The following STAG2 variants were observed in gnomAD, a reference collection of about 807,000 sequenced individuals.
The protein encoded by STAG2 is cohesin subunit SA-2.
STAG2 carries 14 observed loss-of-function variants against 108.1 expected under a neutral mutation model. That is an observed-to-expected ratio of 0.13 (90% CI 0.09 to 0.20). The LOEUF is 0.20. STAG2 is among the 10% of genes least tolerant of loss of function. STAG2 has a pLI of 1.00. For synonymous variants in STAG2, 307 were observed against 302.7 expected (o/e 1.01, Z -0.15); for missense variants, 440 against 940.9 (o/e 0.47, Z 6.96).
At chrX:124,022,163 G>T (rs1401216719) in intron 2 of STAG2, among the ~76,000 whole-genome samples, 5 of 110,566 alleles carry the variant, frequency 4.5e-5, no homozygotes, top group Non-Finnish European at 9.5e-5. Flanking sequence ...CTGAGGTCAG[G>T]AGTTCGAGAC....
chrX:123,966,065 G>A (rs751863151), intron 1 of STAG2, among the ~76,000 whole-genome samples: 2 of 111,434 alleles, frequency 1.8e-5, no homozygotes, highest in African/African-American at 3.3e-5. Flanking sequence ...TTGGGAGTTG[G>A]GGAGAATAGC....
chrX:124,094,268 T>A lies in STAG2; in HGVS notation c.3705+124T>A, dbSNP rs1384598847. On this transcript the variant is annotated intron_variant, in intron 33 of 34. Coordinates refer to ENST00000371145, the MANE Select transcript of STAG2 (RefSeq NM_001042750.2). ...AAGTTTTGCAAAAATATTAAAATAG[T>A]TGCCAGGGGTTTAGATATATGGGAA... is the stretch of plus-strand genomic sequence containing the variant. The A allele has an allele frequency of 6.2e-6, 4 of 649,462 alleles. No individual in the cohort carries two copies. In the African/African-American group the frequency reaches 6.7e-5, roughly 11 times the overall value. 53.5% of individuals were successfully genotyped at this position (649,462 alleles called of 1,213,427 possible). A position where few individuals can be genotyped will look rare whatever the true frequency, so the allele number is the denominator to read the frequency against.
chrX:124,031,845 C>G (rs1203337677), intron 5 of STAG2, among the ~76,000 whole-genome samples: 2 of 109,273 alleles, frequency 1.8e-5, no homozygotes, highest in Non-Finnish European at 3.8e-5. Context: ...ATTCTCCTGC[C>G]TCAGCCTCCC....
intron 33 of STAG2, 23 bp downstream of exon 33, chrX:124,094,167 T>C (rs780673994): frequency 8.4e-7 from 1 of 1,183,582 alleles, no homozygotes; most frequent in African/African-American, 1.8e-5. Context: ...ATGATTTCTG[T>C]AAGATTTTCA....
chrX:124,069,657 C>T (rs949751816), intron 24 of STAG2, among the ~76,000 whole-genome samples: 3 of 111,420 alleles, frequency 2.7e-5, no homozygotes, highest in Non-Finnish European at 3.8e-5. Flanking sequence ...CCCTACCATA[C>T]ATATATGCTT....
rs1027515 is a variant in STAG2 at position 124,020,395 on chromosome X, C to A, written c.-162-972C>A. 3.5e-3 allele frequency among the ~76,000 whole-genome samples: 394 copies of A among 111,228 alleles called. 3 individuals are homozygous for A. The highest frequency in any genetic ancestry group is 0.012 in the African/African-American group (377 of 30,771). The stretch of plus-strand genomic sequence containing the variant: ...ATTTTCATCTTGCCGTCTAGATGAC[C>A]TGACCTGTTCATTAGAATTTATTAG... On this transcript the variant is annotated intron_variant, in intron 1 of 34. Transcript: ENST00000371145.
At chrX:124,002,973 T>C (rs111345325) in intron 1 of STAG2, among the ~76,000 whole-genome samples, 3 of 107,618 alleles carry the variant, frequency 2.8e-5, no homozygotes, top group Non-Finnish European at 5.8e-5. Context: ...ATTTTTTGTT[T>C]GTTTGTTTTT....
At chrX:123,967,092 T>A (rs1180998097) in intron 1 of STAG2, among the ~76,000 whole-genome samples, 1 of 109,236 alleles carries the variant, frequency 9.2e-6, no homozygotes, top group African/African-American at 3.3e-5. Flanking sequence ...ACCATGTTGG[T>A]CAGGGTGGTC....
intron 1 of STAG2, among the ~76,000 whole-genome samples, chrX:123,972,866 CAAAAAAAAAA>C (rs747333406): frequency 9.1e-5 from 2 of 21,934 alleles, no homozygotes; most frequent in Non-Finnish European, 1.5e-4. Context: ...ACCAAAAATA[CAAAAAAAAAA>C]AAAAAAAAAA....
intron 1 of STAG2, among the ~76,000 whole-genome samples, chrX:124,014,023 A>C (rs1490641915): frequency 1.8e-5 from 2 of 111,793 alleles, no homozygotes; most frequent in Non-Finnish European, 3.8e-5. Flanking sequence ...TAGGTTTGTC[A>C]AGGTGATCAC....
chrX:123,983,890 TA>T (rs2055009497), intron 1 of STAG2, among the ~76,000 whole-genome samples: 2 of 109,736 alleles, frequency 1.8e-5, no homozygotes, highest in East Asian at 2.8e-4. Context: ...AAAGAGAAGT[TA>T]GGGGCAAATA....
intron 1 of STAG2, among the ~76,000 whole-genome samples, chrX:124,001,557 T>C (rs2056043579): frequency 8.9e-6 from 1 of 111,796 alleles, no homozygotes; most frequent in South Asian, 3.7e-4. Context: ...GAGTACCCTA[T>C]ACAGGTATAC....
chrX:123,987,527 C>T (rs1258194923), intron 1 of STAG2, among the ~76,000 whole-genome samples: 1 of 111,897 alleles, frequency 8.9e-6, no homozygotes, highest in Non-Finnish European at 1.9e-5. Context: ...AGATTACAGG[C>T]GTGAGCCACC....
chrX:123,983,370 C>T (rs938646107), intron 1 of STAG2, among the ~76,000 whole-genome samples: 13 of 111,246 alleles, frequency 1.2e-4, no homozygotes, highest in African/African-American at 3.6e-4. Flanking sequence ...ATCTATCCAT[C>T]CTCTTGTTTA....
chrX:124,064,235 CTG>C lies in STAG2; in HGVS notation c.2025+187_2025+188del, dbSNP rs1183621816. 2.7e-5 allele frequency among the ~76,000 whole-genome samples: 3 copies of C among 111,169 alleles called. No homozygotes were observed. In the Admixed American group the frequency reaches 2.9e-4, roughly 11 times the overall value. On this transcript the variant is annotated intron_variant, in intron 20 of 34. Coordinates refer to ENST00000371145, the MANE Select transcript of STAG2 (RefSeq NM_001042750.2). ...ACCAAAATAGGAAAGTGGTAAGAATCTGTGACTCAGAGAAGGTGAAAGCAAAA... is the reference window on the plus strand; with the variant it reads ...ACCAAAATAGGAAAGTGGTAAGAATCTGACTCAGAGAAGGTGAAAGCAAAA...
intron 1 of STAG2, among the ~76,000 whole-genome samples, chrX:123,995,656 T>C (rs2055699686): frequency 1.8e-5 from 2 of 109,998 alleles, no homozygotes; most frequent in South Asian, 7.8e-4. Context: ...ATTGCACTGC[T>C]GCACTCCAGC....
intron 6 of STAG2, among the ~76,000 whole-genome samples, chrX:124,038,683 A>G (rs748945014): frequency 8.9e-6 from 1 of 111,913 alleles, no homozygotes; most frequent in African/African-American, 3.2e-5. Flanking sequence ...GAGGCCTGAA[A>G]GATAGACAAC....
At chrX:124,074,684 A>G (rs2058755391) in intron 25 of STAG2, among the ~76,000 whole-genome samples, 1 of 111,819 alleles carries the variant, frequency 8.9e-6, no homozygotes, top group South Asian at 3.7e-4. Context: ...TTCATTGACA[A>G]TACATAATAA....
At chrX:124,022,332 C>T (rs1413276752) in intron 2 of STAG2, among the ~76,000 whole-genome samples, 199 bp from the exon 3 acceptor site, 1 of 105,238 alleles carries the variant, frequency 9.5e-6, no homozygotes, top group Non-Finnish European at 1.9e-5. Context: ...GATCGTGCCA[C>T]TGCACCCCAG....
Sources: gnomAD v4.1 joint callset for allele counts (sites outside exome capture counted in the v4.1 genomes callset) on GRCh38, gnomAD v4.1.1 for gene constraint, MANE v1.5 for transcripts, NCBI Gene and HGNC (gene_info 2026-07-23, HGNC 2026-07-21) for gene names.